Variants in PKNOX2 observed in about 807,000 individuals in gnomAD.
PKNOX2 encodes homeobox protein PKNOX2.
Under a neutral mutation model 53.1 loss-of-function variants are expected in PKNOX2, and 14 were observed. That is an observed-to-expected ratio of 0.26 (90% CI 0.17 to 0.41). The LOEUF (loss-of-function observed/expected upper bound fraction) is 0.41, where lower values mean the gene tolerates loss of function less well. Ranked by LOEUF, PKNOX2 falls within the 10% of genes least tolerant of loss-of-function variation. The pLI, the probability that PKNOX2 is intolerant of heterozygous loss-of-function variation, is 1.00. For synonymous variants in PKNOX2, 257 were observed against 242.8 expected (o/e 1.06, Z -0.54); for missense variants, 496 against 602.8 (o/e 0.82, Z 1.85).
In PKNOX2 at chr11:125,286,762, G is replaced by A. The variant is rs113094579; in HGVS notation, c.-129-45057G>A. Among the ~76,000 whole-genome samples, 28 of 152,388 alleles carry A rather than the reference G, an allele frequency of 1.8e-4. 2 individuals are homozygous for A. Among genetic ancestry groups the A allele is most frequent in the African/African-American group, 6.7e-4 (28 of 41,592 alleles). The stretch of plus-strand genomic sequence containing the variant: ...GAATCTGGGCTTGGGTTCTGTCTGG[G>A]AGGGACATCTGCAGCCGTGGACCTT... On this transcript the variant is annotated intron_variant, in intron 2 of 12. Transcript: ENST00000298282.
intron 2 of PKNOX2, among the ~76,000 whole-genome samples, chr11:125,308,910 T>G (rs80117661): frequency 2.0e-5 from 3 of 152,310 alleles, no homozygotes; most frequent in Non-Finnish European, 2.9e-5. Flanking sequence ...CTTTAAATAT[T>G]GAAGGTAACA....
chr11:125,383,463 AAAAATT>A (rs1425141511), intron 5 of PKNOX2, among the ~76,000 whole-genome samples: 2 of 151,242 alleles, frequency 1.3e-5, no homozygotes, highest in East Asian at 1.9e-4. Flanking sequence ...AAAAAAAAAA[AAAAATT>A]AGTCAGGCAT....
At chr11:125,202,673 G>A (rs773505115) in intron 1 of PKNOX2, among the ~76,000 whole-genome samples, 28 of 152,154 alleles carry the variant, frequency 1.8e-4, no homozygotes, top group Admixed American at 5.9e-4. Flanking sequence ...GAGTGCAGGG[G>A]GAGGAGCCGT....
At chr11:125,409,080 G>T (rs1260034127) in intron 7 of PKNOX2, among the ~76,000 whole-genome samples, 3 of 152,200 alleles carry the variant, frequency 2.0e-5, no homozygotes, top group Non-Finnish European at 2.9e-5. Flanking sequence ...ACCGTGGCTA[G>T]GAGGAGCTAA....
intron 1 of PKNOX2, among the ~76,000 whole-genome samples, chr11:125,172,822 G>A (rs1167084648): frequency 6.6e-6 from 1 of 152,186 alleles, no homozygotes; most frequent in Non-Finnish European, 1.5e-5. Flanking sequence ...GTGGTATAGA[G>A]TCTTAAGGAC....
In PKNOX2 at chr11:125,351,292, T is replaced by A. The variant is rs1951297379; in HGVS notation, c.-14T>A. ...CTTTCTCCTGCCCACAGGTCCTCCA[T>A]GTGAATCAATCCCATGATGCAACAT... On this transcript the variant is annotated 5_prime_UTR_variant, in exon 4 of 13. It removes an upstream start codon present in the reference 5' UTR. Transcript: ENST00000298282. 1 of 1,568,440 alleles carries A rather than the reference T, an allele frequency of 6.4e-7. No homozygotes were observed. Among genetic ancestry groups the A allele is most frequent in the African/African-American group, 1.3e-5 (1 of 74,088 alleles).
intron 7 of PKNOX2, among the ~76,000 whole-genome samples, chr11:125,406,920 A>T (rs1456653451): frequency 1.5e-4 from 7 of 46,832 alleles, no homozygotes; most frequent in African/African-American, 4.1e-4. Context: ...CTATGTCTAA[A>T]AAAAAAAAAA....
chr11:125,364,082 G>C (rs1952061006), intron 4 of PKNOX2, among the ~76,000 whole-genome samples: 1 of 152,196 alleles, frequency 6.6e-6, no homozygotes, highest in Non-Finnish European at 1.5e-5. Context: ...TCTTTAGGCT[G>C]TGCTGCCCAG....
At chr11:125,412,247 G>A (rs1266632098) in intron 10 of PKNOX2, among the ~76,000 whole-genome samples, 7 of 152,148 alleles carry the variant, frequency 4.6e-5, no homozygotes, top group South Asian at 2.1e-4. Context: ...CACGCTCACC[G>A]TGCCCCTCTC....
intron 2 of PKNOX2, among the ~76,000 whole-genome samples, chr11:125,331,180 T>C (rs1289232568): frequency 1.3e-5 from 2 of 152,204 alleles, no homozygotes; most frequent in African/African-American, 2.4e-5. Context: ...ATTTCAAATA[T>C]TGAGAAACAA....
intron 5 of PKNOX2, among the ~76,000 whole-genome samples, chr11:125,378,634 C>G (rs955255889): frequency 6.6e-6 from 1 of 152,202 alleles, no homozygotes; most frequent in African/African-American, 2.4e-5. Context: ...CCCAGGCAGG[C>G]AGCCACACAC....
At chr11:125,345,874 G>A (rs1950942168) in intron 3 of PKNOX2, among the ~76,000 whole-genome samples, 1 of 152,160 alleles carries the variant, frequency 6.6e-6, no homozygotes, top group South Asian at 2.1e-4. Context: ...CTGATTACAT[G>A]ATTTAGTAAA....
intron 2 of PKNOX2, among the ~76,000 whole-genome samples, chr11:125,237,190 T>A (rs1942765871): frequency 6.6e-6 from 1 of 152,236 alleles, no homozygotes; most frequent in Non-Finnish European, 1.5e-5. Context: ...CCATGTAGCC[T>A]GAGCTTCCTC....
chr11:125,168,763 G>GT (rs1237335064), intron 1 of PKNOX2, among the ~76,000 whole-genome samples: 1 of 152,204 alleles, frequency 6.6e-6, no homozygotes, highest in East Asian at 1.9e-4. Flanking sequence ...AACGTGCAAC[G>GT]TAAACAGCAG....
chr11:125,200,657 A>T (rs1165597080), intron 1 of PKNOX2, among the ~76,000 whole-genome samples: 1 of 152,078 alleles, frequency 6.6e-6, no homozygotes, highest in Non-Finnish European at 1.5e-5. Flanking sequence ...ACCCATGCCC[A>T]TGTTTCTCCT....
At chr11:125,263,544 G>A (rs895949061) in intron 2 of PKNOX2, among the ~76,000 whole-genome samples, 3 of 152,242 alleles carry the variant, frequency 2.0e-5, no homozygotes, top group Non-Finnish European at 4.4e-5. Context: ...ACCAGCCAAC[G>A]GGCCACTTTC....
intron 2 of PKNOX2, among the ~76,000 whole-genome samples, chr11:125,288,644 C>G (rs969227805): frequency 2.0e-5 from 3 of 152,214 alleles, no homozygotes; most frequent in Non-Finnish European, 4.4e-5. Context: ...CTCCTTGGAA[C>G]TGGCAGAGGC....
intron 3 of PKNOX2, among the ~76,000 whole-genome samples, chr11:125,332,361 G>A (rs758134561): frequency 1.3e-5 from 2 of 152,124 alleles, no homozygotes; most frequent in Non-Finnish European, 2.9e-5. Flanking sequence ...TTTGAGTCAG[G>A]ATTAGGACTC....
At position 125,171,609 on chromosome 11, in the gene PKNOX2, A is replaced by G. The variant is rs568569472; in HGVS notation, c.-201+6833A>G. 3.3e-5 allele frequency among the ~76,000 whole-genome samples: 5 copies of G among 152,326 alleles called. No individual in the cohort carries two copies. In the South Asian group the frequency reaches 1.0e-3, roughly 32 times the overall value. ...TCTGGCACAGAGGAGAGGCTCAGTC[A>G]TGGTTGACTCTCCTCTGTCATGTTA... On this transcript the variant is annotated intron_variant, in intron 1 of 12. Transcript: ENST00000298282.
Sources: allele counts gnomAD v4.1 joint callset (sites outside exome capture counted in the v4.1 genomes callset), GRCh38; gene constraint gnomAD v4.1.1; transcripts MANE v1.5; gene names NCBI Gene and HGNC (gene_info 2026-07-23, HGNC 2026-07-21).